Variants in TBC1D1 observed in about 807,000 individuals in gnomAD.
TBC1D1 encodes the protein TBC1 (tre-2/USP6, BUB2, cdc16) domain family, member 1.
A neutral mutation model predicts 125.6 loss-of-function variants in TBC1D1; 89 were observed. That is an observed-to-expected ratio of 0.71 (90% CI 0.60 to 0.85). The LOEUF (loss-of-function observed/expected upper bound fraction) is 0.85. Ranked by LOEUF, TBC1D1 falls within the 40% of genes least tolerant of loss-of-function variation. The pLI is 0.00. For synonymous variants in TBC1D1, 565 were observed against 564.1 expected (o/e 1.00, Z -0.02); for missense variants, 1,377 against 1,469.2 (o/e 0.94, Z 1.03).
chr4:38,107,577 G>GTTTTTTTT (rs3038351), intron 15 of TBC1D1, among the ~76,000 whole-genome samples: 17 of 53,088 alleles, frequency 3.2e-4, no homozygotes, highest in African/African-American at 6.7e-4. Context: ...GTCTAAACAG[G>GTTTTTTTT]TTTTTTTTTT....
chr4:37,925,734 A>G (rs1454746072), intron 2 of TBC1D1, among the ~76,000 whole-genome samples: 2 of 148,394 alleles, frequency 1.3e-5, no homozygotes, highest in African/African-American at 4.9e-5. Flanking sequence ...CATTGCAGAC[A>G]ATTTGGAAAA....
At chr4:38,003,297 A>G (rs1047372664) in intron 2 of TBC1D1, among the ~76,000 whole-genome samples, 2 of 152,318 alleles carry the variant, frequency 1.3e-5, no homozygotes, top group Non-Finnish European at 1.5e-5. Flanking sequence ...TATGATGTCT[A>G]GGGCTGGCAG....
chr4:37,916,643 A>G (rs1719796659), intron 2 of TBC1D1, among the ~76,000 whole-genome samples: 1 of 152,208 alleles, frequency 6.6e-6, no homozygotes, highest in Non-Finnish European at 1.5e-5. Context: ...TCAGGACTCA[A>G]GAGTATGCAA....
In TBC1D1 at chr4:38,080,116, C is replaced by T. The variant is rs556220974; in HGVS notation, c.2051-9816C>T. Among the ~76,000 whole-genome samples the T allele has an allele frequency of 4.6e-5, 7 of 152,320 alleles. No homozygotes were observed. The South Asian group carries it at 1.5e-3, about 32-fold the overall frequency. ...TGTGGGGACCACATTTTGAGAACTT[C>T]TCCCGTAGACTGAACTCATGGTCTA... On this transcript the variant is annotated intron_variant, in intron 12 of 19. Transcript: ENST00000261439.
At chr4:38,059,888 C>G (rs917409089) in intron 12 of TBC1D1, among the ~76,000 whole-genome samples, 5 of 152,142 alleles carry the variant, frequency 3.3e-5, no homozygotes, top group Admixed American at 6.5e-5. Flanking sequence ...CTGCCGCCCC[C>G]CAACAGGCTC....
intron 2 of TBC1D1, among the ~76,000 whole-genome samples, chr4:37,986,627 C>G (rs973209575): frequency 1.1e-4 from 16 of 152,014 alleles, no homozygotes; most frequent in African/African-American, 3.4e-4. Flanking sequence ...TGTATTTTTA[C>G]TAGAGATGGG....
intron 2 of TBC1D1, among the ~76,000 whole-genome samples, chr4:37,987,255 A>G (rs992994693): frequency 6.6e-6 from 1 of 152,036 alleles, no homozygotes; most frequent in Non-Finnish European, 1.5e-5. Flanking sequence ...AATTCTCAAA[A>G]TAATTGTGGC....
intron 14 of TBC1D1, among the ~76,000 whole-genome samples, chr4:38,098,497 T>G (rs1419489241): frequency 6.6e-6 from 1 of 152,164 alleles, no homozygotes; most frequent in Non-Finnish European, 1.5e-5. Flanking sequence ...GGACCCTGGG[T>G]AGTGAAAGTT....
At chr4:38,121,177 A>AC (rs561344434) in intron 17 of TBC1D1, among the ~76,000 whole-genome samples, 4 of 152,108 alleles carry the variant, frequency 2.6e-5, no homozygotes, top group Admixed American at 1.3e-4. Context: ...CGTCCCCTTT[A>AC]CCCGTTACTC....
chr4:38,100,636 G>A (rs1466696229), intron 14 of TBC1D1, among the ~76,000 whole-genome samples: 2 of 152,172 alleles, frequency 1.3e-5, no homozygotes, highest in African/African-American at 4.8e-5. Flanking sequence ...TTATATTAAT[G>A]CTGAGATAAA....
intron 2 of TBC1D1, among the ~76,000 whole-genome samples, chr4:37,921,620 C>T (rs1721019350): frequency 6.6e-6 from 1 of 151,522 alleles, no homozygotes; most frequent in Non-Finnish European, 1.5e-5. Flanking sequence ...ACCATGTTGA[C>T]CAGAATGGTC....
chr4:38,087,710 C>T (rs375103015), intron 12 of TBC1D1, among the ~76,000 whole-genome samples: 2 of 151,446 alleles, frequency 1.3e-5, no homozygotes, highest in African/African-American at 2.4e-5. Context: ...GGCATGGTGG[C>T]GCATGCCTGT....
intron 15 of TBC1D1, chr4:38,112,206 C>T (rs1049302305): frequency 2.2e-6 from 1 of 453,510 alleles, no homozygotes; most frequent in Non-Finnish European, 2.9e-6. Flanking sequence ...GTTCTACCTG[C>T]TTGTGAGTTC....
chr4:38,089,548 T>C lies in TBC1D1; in HGVS notation c.2051-384T>C, dbSNP rs575969587. On this transcript the variant is annotated intron_variant, in intron 12 of 19. Transcript: ENST00000261439. Reference sequence around the variant, plus strand: ...AGTTATCATACCCATGTCTTAGAGTTTTGTGAGTGTAAATTATTGTATATA... The same window carrying C: ...AGTTATCATACCCATGTCTTAGAGTCTTGTGAGTGTAAATTATTGTATATA... Among the ~76,000 whole-genome samples the C allele has an allele frequency of 1.3e-3, 197 of 152,338 alleles. 1 individual carries two copies. The highest frequency in any genetic ancestry group is 4.5e-3 in the African/African-American group (188 of 41,570).
At chr4:38,028,163 G>A (rs559813846) in intron 7 of TBC1D1, among the ~76,000 whole-genome samples, 1 of 152,094 alleles carries the variant, frequency 6.6e-6, no homozygotes, top group African/African-American at 2.4e-5. Flanking sequence ...ATCTCATAAT[G>A]GTTTTTGTTT....
intron 7 of TBC1D1, among the ~76,000 whole-genome samples, chr4:38,028,913 G>A (rs1745609560): frequency 6.6e-6 from 1 of 151,846 alleles, no homozygotes; most frequent in African/African-American, 2.4e-5. Context: ...AGGTCATGCT[G>A]TCTACTTGGA....
In TBC1D1 at chr4:38,059,907, G is replaced by C. The variant is rs1268383567; in HGVS notation, c.2050+5569G>C. ...CGCCCCCCAACAGGCTCCAGTGTTT[G>C]TTGTTCCCTTTCCTATGTCCATGTG... On this transcript the variant is annotated intron_variant, in intron 12 of 19. Transcript: ENST00000261439. Among the ~76,000 whole-genome samples the C allele has an allele frequency of 3.9e-5, 6 of 152,224 alleles. No homozygotes were observed. The East Asian group carries it at 1.2e-3, about 29-fold the overall frequency.
At chr4:38,000,271 T>C (rs1263084851) in intron 2 of TBC1D1, among the ~76,000 whole-genome samples, 1 of 152,174 alleles carries the variant, frequency 6.6e-6, no homozygotes, top group Non-Finnish European at 1.5e-5. Flanking sequence ...ACTTCTTTGG[T>C]TCACATCTTT....
At chr4:38,086,143 T>C (rs1384581614) in intron 12 of TBC1D1, among the ~76,000 whole-genome samples, 1 of 146,322 alleles carries the variant, frequency 6.8e-6, no homozygotes, top group Non-Finnish European at 1.5e-5. Flanking sequence ...TACAAATTTG[T>C]TGTTAATCGT....
Sources: allele counts gnomAD v4.1 joint callset (sites outside exome capture counted in the v4.1 genomes callset), GRCh38; gene constraint gnomAD v4.1.1; transcripts MANE v1.5; gene names NCBI Gene and HGNC (gene_info 2026-07-23, HGNC 2026-07-21).